The following STK33 variants were observed in gnomAD, a reference collection of about 807,000 sequenced individuals.
STK33 encodes serine/threonine kinase 33.
In STK33, 52 loss-of-function variants were observed where a neutral mutation model predicts 58.0. That is an observed-to-expected ratio of 0.90 (90% CI 0.72 to 1.13). STK33 has a LOEUF of 1.13. Ranked by LOEUF, STK33 falls within the 50% of genes most tolerant of loss-of-function variation. The pLI, the probability that STK33 is intolerant of heterozygous loss-of-function variation, is 0.00. For missense variants in STK33, 630 were observed against 604.2 expected, an observed-to-expected ratio of 1.04 and a Z score of -0.45; for synonymous variants, 215 against 200.1, an observed-to-expected ratio of 1.07 and a Z score of -0.63.
chr11:8,437,607 T>C (rs1944236587), intron 12 of STK33, among the ~76,000 whole-genome samples: 1 of 152,266 alleles, frequency 6.6e-6, no homozygotes, highest in African/African-American at 2.4e-5. Flanking sequence ...AGTATAATAA[T>C]CTCTACATCT....
rs11312849 is a variant in STK33 at position 8,587,587 on chromosome 11, T to TA, written c.-466+6495dup. On this transcript the variant is annotated intron_variant, in intron 1 of 15. Transcript: ENST00000687296. The stretch of plus-strand genomic sequence containing the variant: ...AGAGGGAGGAGTTTTCAATGGAAGG[T>TA]AAAAAAAAAAAAAAAAAAAGATGAA... Among the ~76,000 whole-genome samples the TA allele has an allele frequency of 4.1e-3, 581 of 141,634 alleles. 6 individuals are homozygous for TA. The highest frequency in any genetic ancestry group is 0.014 in the African/African-American group (545 of 38,376). 92.9% of individuals were successfully genotyped at this position (141,634 alleles called of 152,430 possible).
chr11:8,421,025 G>A (rs1297785902), intron 14 of STK33, among the ~76,000 whole-genome samples: 1 of 150,008 alleles, frequency 6.7e-6, no homozygotes, highest in Non-Finnish European at 1.5e-5. Context: ...TGTTTTAGTT[G>A]TTTTAACTTT....
chr11:8,401,034 C>T (rs1165065972), intron 15 of STK33, among the ~76,000 whole-genome samples: 1 of 152,080 alleles, frequency 6.6e-6, no homozygotes, highest in Non-Finnish European at 1.5e-5. Context: ...GTGAAAATGG[C>T]CATACTACCC....
At chr11:8,379,801 C>T in the STK33 span, among the ~76,000 whole-genome samples, 1 of 152,080 alleles carries the variant, frequency 6.6e-6, no homozygotes, top group Non-Finnish European at 1.5e-5. Flanking sequence ...GATAGGCCCC[C>T]GTGTCTGTGG....
At chr11:8,438,437 G>A (rs1173048132) in intron 12 of STK33, among the ~76,000 whole-genome samples, 1 of 152,124 alleles carries the variant, frequency 6.6e-6, no homozygotes, top group Admixed American at 6.6e-5. Flanking sequence ...TGAATCAAAG[G>A]TAACGGATAA....
chr11:8,377,188 G>T, the STK33 span, among the ~76,000 whole-genome samples: 1 of 152,150 alleles, frequency 6.6e-6, no homozygotes, highest in East Asian at 1.9e-4. Flanking sequence ...CTCATTAATC[G>T]AGAGTGACCA....
chr11:8,593,697 A>G (rs1047318657), intron 1 of STK33: 10 of 152,268 alleles, frequency 6.6e-5, no homozygotes, highest in Non-Finnish European at 1.3e-4. Flanking sequence ...GTTTAAAAAA[A>G]AGAAACACAA....
chr11:8,387,294 A>G (rs1848557032), downstream of STK33, among the ~76,000 whole-genome samples: 1 of 152,148 alleles, frequency 6.6e-6, no homozygotes, highest in Admixed American at 6.5e-5. Flanking sequence ...CTTAGGCCTA[A>G]AGAGTAGGGG....
intron 14 of STK33, among the ~76,000 whole-genome samples, chr11:8,431,990 A>G (rs1209869746): frequency 3.3e-5 from 5 of 152,178 alleles, no homozygotes; most frequent in Non-Finnish European, 5.9e-5. Context: ...TAAATCTTAT[A>G]CATAGGTTGT....
intron 15 of STK33, among the ~76,000 whole-genome samples, chr11:8,404,923 G>A (rs1247846488): frequency 6.6e-6 from 1 of 152,188 alleles, no homozygotes; most frequent in South Asian, 2.1e-4. Context: ...GGCGGATCGC[G>A]AGGTCAGGAG....
chr11:8,451,850 CA>C (rs1279796454), intron 11 of STK33, among the ~76,000 whole-genome samples: 2 of 152,010 alleles, frequency 1.3e-5, no homozygotes, highest in Non-Finnish European at 2.9e-5. Flanking sequence ...GCTTTCTTTA[CA>C]AAATATATCT....
chr11:8,423,499 GT>G (rs746409521), intron 14 of STK33, among the ~76,000 whole-genome samples: 7 of 151,982 alleles, frequency 4.6e-5, no homozygotes, highest in Non-Finnish European at 7.4e-5. Context: ...CTTATGAGTT[GT>G]TTAGAAGCAT....
At chr11:8,338,000 G>A in the STK33 span, among the ~76,000 whole-genome samples, 3 of 152,036 alleles carry the variant, frequency 2.0e-5, no homozygotes, top group Non-Finnish European at 4.4e-5. Flanking sequence ...CTCACTCATC[G>A]TAATTGACAT....
intron 1 of STK33, among the ~76,000 whole-genome samples, chr11:8,544,666 G>C (rs1046848487): frequency 4.6e-5 from 7 of 151,962 alleles, no homozygotes; most frequent in African/African-American, 1.7e-4. Context: ...TAATCATAAA[G>C]ATATGAAATT....
intron 1 of STK33, among the ~76,000 whole-genome samples, chr11:8,551,773 A>C (rs1956317873): frequency 6.6e-6 from 1 of 152,172 alleles, no homozygotes; most frequent in Non-Finnish European, 1.5e-5. Context: ...GAAAAACATA[A>C]ATGGGCACCA....
chr11:8,485,102 T>G (rs1457616432), intron 1 of STK33, among the ~76,000 whole-genome samples: 5 of 152,236 alleles, frequency 3.3e-5, no homozygotes, highest in African/African-American at 1.2e-4. Context: ...CATTGATGAT[T>G]CTGATTAAAA....
chr11:8,522,491 T>G (rs1565264617), intron 1 of STK33, among the ~76,000 whole-genome samples: 1 of 151,074 alleles, frequency 6.6e-6, no homozygotes, highest in Non-Finnish European at 1.5e-5. Context: ...AGAATGAAAT[T>G]GGATCTTTAT....
chr11:8,427,060 CCAAGA>C (rs1942861107), intron 14 of STK33, among the ~76,000 whole-genome samples: 1 of 152,106 alleles, frequency 6.6e-6, no homozygotes, highest in Non-Finnish European at 1.5e-5. Context: ...GCGAACTCTA[CCAAGA>C]CATTTAAAGA....
the STK33 span, among the ~76,000 whole-genome samples, chr11:8,350,677 G>A: frequency 1.3e-5 from 2 of 152,188 alleles, no homozygotes; most frequent in Admixed American, 1.3e-4. Flanking sequence ...AGGAAGGACA[G>A]GAGTGGCCAG....
Sources: allele counts gnomAD v4.1 joint callset (sites outside exome capture counted in the v4.1 genomes callset), GRCh38; gene constraint gnomAD v4.1.1; transcripts MANE v1.5; gene names NCBI Gene and HGNC (gene_info 2026-07-23, HGNC 2026-07-21).